Variants in FARP1 observed in about 807,000 individuals in gnomAD.
FARP1 encodes the protein FERM, ARH/RhoGEF and pleckstrin domain protein 1.
FARP1 carries 52 observed loss-of-function variants against 128.8 expected under a neutral mutation model. That is an observed-to-expected ratio of 0.40 (90% CI 0.32 to 0.51). FARP1 has a LOEUF of 0.51. Ranked by LOEUF, FARP1 falls within the 20% of genes least tolerant of loss-of-function variation. The pLI is 0.45. For missense variants in FARP1, 1,333 were observed against 1,367.9 expected (o/e 0.97, Z 0.40); for synonymous variants, 580 against 551.8 (o/e 1.05, Z -0.72).
At chr13:98,372,081 CT>C (rs56838920) in intron 5 of FARP1, among the ~76,000 whole-genome samples, 6,858 of 92,202 alleles carry the variant, frequency 0.074, 97 homozygotes, top group African/African-American at 0.11. Flanking sequence ...CCCAGTTTTT[CT>C]TTTTTTTTTT....
rs1875207840 is a variant in FARP1 at position 98,143,360 on chromosome 13, C to G, written c.-156C>G. ...CCGGCCACCGCCAGCCCTGCTCGCGCGCCCGCGCCGCCGCCGCCCGCGGGT... is the reference window on the plus strand; with the variant it reads ...CCGGCCACCGCCAGCCCTGCTCGCGGGCCCGCGCCGCCGCCGCCCGCGGGT... On this transcript the variant is annotated 5_prime_UTR_variant, in exon 1 of 27. Transcript: ENST00000319562. The G allele has an allele frequency of 6.7e-6, 1 of 150,012 alleles. No homozygotes were observed. The highest frequency in any genetic ancestry group is 1.5e-5 in the Non-Finnish European group (1 of 67,030). 9.3% of individuals were successfully genotyped at this position (150,012 alleles called of 1,614,324 possible).
At chr13:98,368,048 T>C in intron 4 of FARP1, 69 bp from the exon 5 acceptor site, 1 of 1,238,910 alleles carries the variant, frequency 8.1e-7, no homozygotes, top group East Asian at 2.4e-5. Flanking sequence ...ATTTGTAAAG[T>C]CTTTTTCTTT....
chr13:98,396,357 T>A (rs1248913296), intron 13 of FARP1: 2 of 398,798 alleles, frequency 5.0e-6, no homozygotes. Context: ...TCCCCGGGAG[T>A]CAGCCCCTCA....
chr13:98,265,382 G>C (rs1357874980), intron 2 of FARP1, among the ~76,000 whole-genome samples: 15 of 144,174 alleles, frequency 1.0e-4, no homozygotes, highest in Admixed American at 3.5e-4. Flanking sequence ...TGCAGTGGCG[G>C]GATCTCGGCT....
At chr13:98,215,177 AAGT>A (rs1232767089) in intron 2 of FARP1, among the ~76,000 whole-genome samples, 1 of 152,216 alleles carries the variant, frequency 6.6e-6, no homozygotes, top group Non-Finnish European at 1.5e-5. Context: ...CCTGCCCAAG[AAGT>A]AGTAATAGAA....
intron 2 of FARP1, among the ~76,000 whole-genome samples, chr13:98,276,614 G>T (rs1884665681): frequency 6.6e-6 from 1 of 152,120 alleles, no homozygotes; most frequent in South Asian, 2.1e-4. Flanking sequence ...TTTTACGTTT[G>T]GATTTTGTTT....
At chr13:98,360,376 G>A (rs1180635902) in intron 3 of FARP1, among the ~76,000 whole-genome samples, 2 of 152,208 alleles carry the variant, frequency 1.3e-5, no homozygotes, top group Admixed American at 6.5e-5. Flanking sequence ...GATTACAGGC[G>A]TGAGCGCTCA....
At chr13:98,322,457 A>G (rs1302662128) in intron 2 of FARP1, among the ~76,000 whole-genome samples, 1 of 152,148 alleles carries the variant, frequency 6.6e-6, no homozygotes, top group Admixed American at 6.5e-5. Flanking sequence ...GCCCAAATCC[A>G]CATGCTTCTG....
intron 2 of FARP1, among the ~76,000 whole-genome samples, chr13:98,339,213 C>T (rs369732918): frequency 1.3e-5 from 2 of 152,176 alleles, no homozygotes; most frequent in East Asian, 3.8e-4. Flanking sequence ...GTTCCACAGC[C>T]TCTTCAGGAA....
chr13:98,369,596 A>G (rs1206167586), intron 5 of FARP1, among the ~76,000 whole-genome samples: 1 of 151,566 alleles, frequency 6.6e-6, no homozygotes, highest in Non-Finnish European at 1.5e-5. Flanking sequence ...GTTCACACCT[A>G]TGAGTGAGAA....
intron 1 of FARP1, among the ~76,000 whole-genome samples, chr13:98,162,281 G>A (rs112657518): frequency 4.7e-4 from 71 of 152,310 alleles, no homozygotes; most frequent in East Asian, 3.9e-4. Flanking sequence ...CCATGCCTGC[G>A]TACAAGTGTG....
At chr13:98,434,679 G>C (rs1892184310) in intron 18 of FARP1, 1 of 152,228 alleles carries the variant, frequency 6.6e-6, no homozygotes, top group Non-Finnish European at 1.5e-5. Context: ...ATGCCCACCA[G>C]TATAGGGGAG....
chr13:98,267,778 C>T (rs1363895543), intron 2 of FARP1, among the ~76,000 whole-genome samples: 3 of 151,644 alleles, frequency 2.0e-5, no homozygotes, highest in Admixed American at 1.3e-4. Flanking sequence ...GTTCCTGGGG[C>T]CTCTGATCCT....
chr13:98,394,689 A>T lies in FARP1; in HGVS notation c.1165-538A>T, dbSNP rs186298180. ...GTGGCACATGCCTGTGGTCCTAGCCACTTGGGAGGCTGAGGTGGGAGGATT... is the reference window on the plus strand; with the variant it reads ...GTGGCACATGCCTGTGGTCCTAGCCTCTTGGGAGGCTGAGGTGGGAGGATT... On this transcript the variant is annotated intron_variant, in intron 12 of 26. Transcript: ENST00000319562. Among the ~76,000 whole-genome samples, 3 of 152,292 alleles carry T rather than the reference A, an allele frequency of 2.0e-5. No individual in the cohort carries two copies. The East Asian group carries it at 5.8e-4, about 29-fold the overall frequency.
At chr13:98,306,048 T>C (rs1273631630) in intron 2 of FARP1, among the ~76,000 whole-genome samples, 1 of 152,128 alleles carries the variant, frequency 6.6e-6, no homozygotes, top group Non-Finnish European at 1.5e-5. Flanking sequence ...ATGAAAGAAG[T>C]GATGGGGTTG....
At chr13:98,319,179 G>A (rs2139780729) in intron 2 of FARP1, among the ~76,000 whole-genome samples, 1 of 152,004 alleles carries the variant, frequency 6.6e-6, no homozygotes, top group Admixed American at 6.5e-5. Flanking sequence ...TGCCCAGGCT[G>A]CTCTCAAACT....
intron 2 of FARP1, among the ~76,000 whole-genome samples, chr13:98,222,353 T>A (rs954498396): frequency 5.9e-5 from 9 of 152,226 alleles, no homozygotes; most frequent in Admixed American, 5.9e-4. Flanking sequence ...TGCCAGACAT[T>A]GTGCCAAGTC....
chr13:98,356,799 T>C (rs1888664473), intron 3 of FARP1, among the ~76,000 whole-genome samples: 1 of 151,994 alleles, frequency 6.6e-6, no homozygotes, highest in Admixed American at 6.6e-5. Context: ...CACGCCCGGC[T>C]AATTTTTGTA....
chr13:98,180,107 G>A (rs1472720792), intron 1 of FARP1, among the ~76,000 whole-genome samples: 1 of 152,102 alleles, frequency 6.6e-6, no homozygotes, highest in African/African-American at 2.4e-5. Flanking sequence ...AGGAATGCCT[G>A]AGGCTAGGTA....
Sources: gnomAD v4.1 joint callset for allele counts (sites outside exome capture counted in the v4.1 genomes callset) on GRCh38, gnomAD v4.1.1 for gene constraint, MANE v1.5 for transcripts, NCBI Gene and HGNC (gene_info 2026-07-23, HGNC 2026-07-21) for gene names.